NCAPD2: variants seen among roughly 807,000 people sequenced by gnomAD.
The protein encoded by NCAPD2 is condensin complex subunit 1.
Under a neutral mutation model 164.5 loss-of-function variants are expected in NCAPD2, and 100 were observed. The ratio of observed to expected loss-of-function variants is 0.61; its 90% CI spans 0.52 to 0.72. The LOEUF (loss-of-function observed/expected upper bound fraction) is 0.72. Ranked by LOEUF, NCAPD2 falls within the 30% of genes least tolerant of loss-of-function variation. The pLI is 0.00. For missense variants in NCAPD2, 1,560 were observed against 1,749.2 expected (o/e 0.89, Z 1.93); for synonymous variants, 585 against 642.6 (o/e 0.91, Z 1.36).
At chr12:6,527,086 T>A in intron 22 of NCAPD2, 23 bp downstream of exon 22, 1 of 1,585,330 alleles carries the variant, frequency 6.3e-7, no homozygotes, top group Non-Finnish European at 8.6e-7. Context: ...CCTCAGCACT[T>A]CCCAGATTTA....
chr12:6,526,396 G>T (rs373216306), intron 20 of NCAPD2, 25 bp downstream of exon 20: 3 of 1,614,054 alleles, frequency 1.9e-6, no homozygotes, highest in South Asian at 1.1e-5. Context: ...AAGGCCTTGG[G>T]CAGAATTGGG....
Position 6,528,888 on chromosome 12 carries a change from G to A in NCAPD2, c.3477+32G>A, listed in dbSNP as rs765022971. The stretch of plus-strand genomic sequence containing the variant: ...GGCAGAGAGGCACTGAGGGCTGGCT[G>A]CAGAGGGAATCTGTAGGTCACCTCA... On this transcript the variant is annotated intron_variant, in intron 26 of 31. Transcript: ENST00000315579. This position sits in a 1 kb window ranked among gnomAD's most constrained non-coding sequence, Gnocchi z 5.1. The A allele has an allele frequency of 1.2e-6, 2 of 1,612,974 alleles. No homozygotes were observed. The highest frequency in any genetic ancestry group is 2.7e-5 in the African/African-American group (2 of 74,916).
Position 6,531,511 on chromosome 12 carries a change from T to TA in NCAPD2, c.*111dup, listed in dbSNP as rs753638236. ...AAAATATTTGTCTGTCTCTTTTTTT[T>TA]AAAAAAAAAAAAGGCCGGGCACTGT... On this transcript the variant is annotated 3_prime_UTR_variant, in exon 32 of 32. Coordinates refer to ENST00000315579, the MANE Select transcript of NCAPD2 (RefSeq NM_014865.4). The surrounding 1 kb of genome is among the most constrained non-coding windows in gnomAD (Gnocchi z 4.1). The TA allele has an allele frequency of 8.6e-3, 11,440 of 1,329,678 alleles. 54 individuals are homozygous for TA. Among genetic ancestry groups the TA allele is most frequent in the African/African-American group, 0.051 (3,414 of 67,232 alleles). The allele number at this position is 1,329,678 out of a possible 1,614,324, so 82.4% of individuals were successfully genotyped here.
At chr12:6,525,267 C>T (rs1946305468) in intron 17 of NCAPD2, among the ~76,000 whole-genome samples, 3 of 152,160 alleles carry the variant, frequency 2.0e-5, no homozygotes, top group African/African-American at 7.2e-5. Flanking sequence ...CCATGTTGGA[C>T]ATGTTGAGTT....
intron 2 of NCAPD2, among the ~76,000 whole-genome samples, chr12:6,502,138 G>T (rs146697651): frequency 2.4e-3 from 363 of 152,228 alleles, no homozygotes; most frequent in Non-Finnish European, 3.0e-3. Flanking sequence ...GCCTTTAGTA[G>T]GTAAGAGAGT....
intron 2 of NCAPD2, among the ~76,000 whole-genome samples, chr12:6,495,564 C>T (rs1460651451): frequency 2.0e-5 from 3 of 152,218 alleles, no homozygotes; most frequent in Middle Eastern, 3.4e-3. Context: ...CAGAATGTCT[C>T]GGACTTAACT....
At position 6,511,346 on chromosome 12, in the gene NCAPD2, T is replaced by G. The variant is rs545799096; in HGVS notation, c.587+94T>G. 7.7e-4 allele frequency: 1,065 copies of G among 1,377,720 alleles called. 12 individuals are homozygous for G. In the East Asian group the frequency reaches 0.023, roughly 30 times the overall value. The allele number at this position is 1,377,720 out of a possible 1,614,324, so 85.3% of individuals were successfully genotyped here. A position where few individuals can be genotyped will look rare whatever the true frequency, so the allele number is the denominator to read the frequency against. On this transcript the variant is annotated intron_variant, in intron 6 of 31. Transcript: ENST00000315579. ...TTTTTTTGGTTTTGTTTTTTTTTTG[T>G]GGGGGGACAGAGCTTCACTCTTGTC...
rs754145646 is a variant in NCAPD2, at chr12:6,522,811, T to C, written c.1955-17T>C. 1.2e-6 allele frequency: 2 copies of C among 1,612,318 alleles called. No homozygotes were observed. Among genetic ancestry groups the C allele is most frequent in the Admixed American group, 3.4e-5 (2 of 59,484 alleles). On this transcript the variant is annotated splice_polypyrimidine_tract_variant and intron_variant, in intron 15 of 31. Coordinates refer to ENST00000315579, the MANE Select transcript of NCAPD2 (RefSeq NM_014865.4). Reference sequence around the variant, plus strand: ...TTTTGTGAAGTAGATAGGTGACATTTGTACATGTTCTCTCAGTGGTGCAGG... The same window carrying C: ...TTTTGTGAAGTAGATAGGTGACATTCGTACATGTTCTCTCAGTGGTGCAGG...
At chr12:6,524,399 G>C (rs1946295276) in intron 17 of NCAPD2, among the ~76,000 whole-genome samples, 1 of 152,122 alleles carries the variant, frequency 6.6e-6, no homozygotes, top group Non-Finnish European at 1.5e-5. Flanking sequence ...CCAGCACTTT[G>C]GGAGGCCAAG....
chr12:6,512,276 A>G lies in NCAPD2; in HGVS notation c.587+1024A>G, dbSNP rs1592170251. Reference sequence around the variant, plus strand: ...AACAGAGCAAGACTCCATCTCCAAAAAAAAAAAAAAAAAAAAAGATAGATA... The same window carrying G: ...AACAGAGCAAGACTCCATCTCCAAAGAAAAAAAAAAAAAAAAAGATAGATA... On this transcript the variant is annotated intron_variant, in intron 6 of 31. Coordinates refer to ENST00000315579, the MANE Select transcript of NCAPD2 (RefSeq NM_014865.4). 2.1e-5 allele frequency among the ~76,000 whole-genome samples: 3 copies of G among 143,022 alleles called. No homozygotes were observed. The East Asian group carries it at 5.9e-4, about 28-fold the overall frequency. The allele number at this position is 143,022 out of a possible 152,430, so 93.8% of individuals were successfully genotyped here. A position where few individuals can be genotyped will look rare whatever the true frequency, so the allele number is the denominator to read the frequency against.
chr12:6,520,656 C>T (rs949286813), intron 13 of NCAPD2, among the ~76,000 whole-genome samples: 1 of 152,094 alleles, frequency 6.6e-6, no homozygotes, highest in African/African-American at 2.4e-5. Flanking sequence ...TGTTTCTAAA[C>T]TTAGGAAAGT....
intron 17 of NCAPD2, among the ~76,000 whole-genome samples, chr12:6,523,720 A>G (rs1003075146): frequency 1.3e-5 from 2 of 152,206 alleles, no homozygotes; most frequent in East Asian, 3.8e-4. Context: ...AGTTATTACT[A>G]TGTATTTAGC....
rs1277845475 is a variant in NCAPD2 at position 6,523,253 on chromosome 12, T to C, written c.2130-9T>C. ...TTATAGTGACCGCTGATCTCTGCTG[T>C]TCCCACAGAGCCAAGGCCCAGGCTT... On this transcript the variant is annotated splice_polypyrimidine_tract_variant and intron_variant, in intron 16 of 31. Transcript: ENST00000315579. 1 of 1,613,518 alleles carries C rather than the reference T, an allele frequency of 6.2e-7. No homozygotes were observed. Among genetic ancestry groups the C allele is most frequent in the Non-Finnish European group, 8.5e-7 (1 of 1,179,432 alleles).
intron 6 of NCAPD2, among the ~76,000 whole-genome samples, chr12:6,511,819 T>TA (rs1337363690): frequency 1.3e-5 from 2 of 149,292 alleles, no homozygotes; most frequent in South Asian, 2.1e-4. Flanking sequence ...TTGTCTCTAC[T>TA]AAAAAAATAT....
intron 27 of NCAPD2, 79 bp from the exon 28 acceptor site, chr12:6,529,434 G>A (rs1592178884): frequency 1.6e-6 from 2 of 1,255,190 alleles, no homozygotes; most frequent in African/African-American, 2.9e-5. Flanking sequence ...CGAGTGCTGG[G>A]GGAGGGTCCA....
At chr12:6,502,896 G>C (rs1402948615) in intron 2 of NCAPD2, among the ~76,000 whole-genome samples, 2 of 151,878 alleles carry the variant, frequency 1.3e-5, no homozygotes, top group African/African-American at 4.8e-5. Context: ...TGTCACCCAG[G>C]CTGGAATACA....
chr12:6,512,547 C>T lies in NCAPD2; in HGVS notation c.587+1295C>T, dbSNP rs898482877. Among the ~76,000 whole-genome samples, 6 of 152,284 alleles carry T rather than the reference C, an allele frequency of 3.9e-5. No individual in the cohort carries two copies. In the East Asian group the frequency reaches 5.8e-4, roughly 15 times the overall value. ...CTGAGAGCAGGTACGAGGGTTAGGC[C>T]GTGAGGCCATGGGAGCAGTGGGGAG... On this transcript the variant is annotated intron_variant, in intron 6 of 31. Transcript: ENST00000315579.
At chr12:6,500,128 G>GA (rs900232277) in intron 2 of NCAPD2, among the ~76,000 whole-genome samples, 6 of 150,256 alleles carry the variant, frequency 4.0e-5, no homozygotes, top group African/African-American at 1.5e-4. Context: ...TTTCAAAAAA[G>GA]AAAAAAAAAG....
In NCAPD2 at chr12:6,521,001, C is replaced by T. The variant is rs746649071; in HGVS notation, c.1605C>T (p.Leu535=). 6 of 1,613,910 alleles carry T rather than the reference C, an allele frequency of 3.7e-6. No homozygotes were observed. The East Asian group carries it at 8.9e-5, about 24-fold the overall frequency. ...AKASYKKAII[L]TREATGHFQE... ...GTTCTTTCAGAAAGGCCATCATTCT[C>T]ACTCGAGAAGCCACAGGCCACTTCC... is the stretch of plus-strand genomic sequence containing the variant. The change falls in exon 14 of 32, where the codon CTC becomes CTT. Residue 535 remains leucine (L), a synonymous_variant. Transcript: ENST00000315579.
Sources: allele counts gnomAD v4.1 joint callset (sites outside exome capture counted in the v4.1 genomes callset), GRCh38; gene constraint gnomAD v4.1.1; non-coding constraint Gnocchi (gnomAD v3.1); transcripts MANE v1.5; gene names NCBI Gene and HGNC (gene_info 2026-07-23, HGNC 2026-07-21).